The following ZC3H15 variants were observed in gnomAD, a reference collection of about 807,000 sequenced individuals.
ZC3H15 encodes zinc finger CCCH domain-containing protein 15.
Under a neutral mutation model 51.2 loss-of-function variants are expected in ZC3H15, and 15 were observed. The observed-to-expected ratio is 0.29, with a 90% CI of 0.20 to 0.45. The LOEUF is 0.45. ZC3H15 is among the 20% of genes least tolerant of loss of function. The probability of loss-of-function intolerance (pLI) is 1.00; values close to 1 mark genes in which losing one functional copy is unlikely to be tolerated. For synonymous variants in ZC3H15, 144 were observed against 162.8 expected, an observed-to-expected ratio of 0.88 and a Z score of 0.88; for missense variants, 381 against 494.7, an observed-to-expected ratio of 0.77 and a Z score of 2.18.
At chr2:186,499,678 GCC>G in intron 2 of ZC3H15, 2 of 432,684 alleles carry the variant, frequency 4.6e-6, no homozygotes, top group Non-Finnish European at 9.2e-6. Flanking sequence ...TAAATCGTGT[GCC>G]TGGAACTATG....
In ZC3H15 at chr2:186,508,799, C is replaced by T; in HGVS notation, c.*66C>T. Reference sequence around the variant, plus strand: ...GAGTTGAAATTGACTACATTAATTTCTTTCCACCTAGAATCAACAGGATGT... The same window carrying T: ...GAGTTGAAATTGACTACATTAATTTTTTTCCACCTAGAATCAACAGGATGT... On this transcript the variant is annotated 3_prime_UTR_variant, in exon 10 of 10. Transcript: ENST00000337859. 6.6e-7 allele frequency: 1 copy of T among 1,521,562 alleles called. No individual in the cohort carries two copies. The highest frequency in any genetic ancestry group is 1.2e-5 in the South Asian group (1 of 85,006). 94.3% of individuals were successfully genotyped at this position (1,521,562 alleles called of 1,614,324 possible).
intron 1 of ZC3H15, among the ~76,000 whole-genome samples, chr2:186,490,406 A>G (rs946381441): frequency 1.3e-5 from 2 of 152,218 alleles, no homozygotes; most frequent in East Asian, 3.8e-4. Context: ...GGACCTATAG[A>G]GACAGGATCC....
intron 1 of ZC3H15, among the ~76,000 whole-genome samples, chr2:186,491,824 A>G (rs755008145): frequency 1.3e-5 from 2 of 152,156 alleles, no homozygotes; most frequent in South Asian, 4.1e-4. Context: ...TACTAGATAA[A>G]TAAGTGTCCC....
intron 4 of ZC3H15, 108 bp downstream of exon 4, chr2:186,501,533 TA>T: frequency 1.1e-6 from 1 of 886,170 alleles, no homozygotes; most frequent in Non-Finnish European, 1.6e-6. Context: ...AGACTGTTTA[TA>T]AAAAATAATT....
At chr2:186,494,171 C>A (rs1197532009) in intron 1 of ZC3H15, among the ~76,000 whole-genome samples, 1 of 151,876 alleles carries the variant, frequency 6.6e-6, no homozygotes, top group African/African-American at 2.4e-5. Flanking sequence ...AATGAGCATT[C>A]CATAAGTGAT....
intron 9 of ZC3H15, among the ~76,000 whole-genome samples, chr2:186,508,178 A>AT (rs1244088371): frequency 5.3e-5 from 8 of 152,216 alleles, no homozygotes; most frequent in Non-Finnish European, 1.2e-4. Context: ...TATTACAAAC[A>AT]TTTTTTTGGT....
intron 8 of ZC3H15, 80 bp downstream of exon 8, chr2:186,505,921 A>G (rs1685459909): frequency 1.4e-6 from 2 of 1,445,550 alleles, no homozygotes; most frequent in Non-Finnish European, 1.9e-6. Context: ...GTTAAGAGCC[A>G]CCAACATCAG....
intron 2 of ZC3H15, among the ~76,000 whole-genome samples, chr2:186,495,640 G>A (rs554825775): frequency 4.4e-4 from 67 of 152,288 alleles, no homozygotes; most frequent in Non-Finnish European, 7.8e-4. Flanking sequence ...AAGACCACCT[G>A]TAGAAATACA....
intron 1 of ZC3H15, among the ~76,000 whole-genome samples, chr2:186,487,811 GTAA>G (rs1487955759): frequency 6.6e-6 from 1 of 152,102 alleles, no homozygotes; most frequent in Non-Finnish European, 1.5e-5. Context: ...TAAATGTTAT[GTAA>G]TAATTTAGAC....
Position 186,505,483 on chromosome 2 carries a change from C to A in ZC3H15, c.750C>A (p.Ile250=), listed in dbSNP as rs745335198. The change falls in exon 7 of 10, where the codon ATC becomes ATA. Residue 250 remains isoleucine (I), a synonymous_variant. Coordinates refer to ENST00000337859, the MANE Select transcript of ZC3H15 (RefSeq NM_018471.3). The part of the protein sequence containing the change: ...RSALGPNVTK[I]TLESFLAWKK... ...CCCTAGGTCCAAATGTTACCAAAAT[C>A]ACTCTAGAATCTTTTCTTGCCTGGA... The A allele has an allele frequency of 1.8e-5, 28 of 1,577,268 alleles. No homozygotes were observed. Among genetic ancestry groups the A allele is most frequent in the Non-Finnish European group, 2.4e-5 (28 of 1,167,538 alleles).
At chr2:186,486,538 G>A (rs917208300) in intron 1 of ZC3H15, 81 bp downstream of exon 1, 3 of 1,448,500 alleles carry the variant, frequency 2.1e-6, no homozygotes, top group Non-Finnish European at 2.8e-6. Flanking sequence ...CTGGGAGCCG[G>A]CTCGCTTCCT....
At chr2:186,486,580 G>T (rs1333023818) in intron 1 of ZC3H15, 123 bp downstream of exon 1, 5 of 1,013,380 alleles carry the variant, frequency 4.9e-6, no homozygotes, top group Non-Finnish European at 6.9e-6. Context: ...AGGCCTGTGT[G>T]GCCCACTGCC....
intron 5 of ZC3H15, among the ~76,000 whole-genome samples, chr2:186,503,253 A>G (rs1026234170): frequency 6.6e-6 from 1 of 152,148 alleles, no homozygotes; most frequent in African/African-American, 2.4e-5. Flanking sequence ...CTTAAATACA[A>G]TTGTATCTTC....
At chr2:186,486,760 C>G (rs943492736) in intron 1 of ZC3H15, 9 of 354,372 alleles carry the variant, frequency 2.5e-5, no homozygotes, top group Non-Finnish European at 4.6e-5. Context: ...TTCGCTAGTC[C>G]TCTCAGAATT....
intron 1 of ZC3H15, among the ~76,000 whole-genome samples, chr2:186,490,252 T>TA (rs1290898793): frequency 6.6e-6 from 1 of 152,202 alleles, no homozygotes; most frequent in Non-Finnish European, 1.5e-5. Flanking sequence ...TTTGCTTTCT[T>TA]ACAACTAAAA....
rs751954632 is a variant in ZC3H15, at chr2:186,501,264, T to C, written c.290-9T>C. ...TTATAATACAAATACCATATGCCATTTGACATAGGTGCAGATCCCAAGTCT... is the reference window on the plus strand; with the variant it reads ...TTATAATACAAATACCATATGCCATCTGACATAGGTGCAGATCCCAAGTCT... On this transcript the variant is annotated splice_polypyrimidine_tract_variant and intron_variant, in intron 3 of 9. Coordinates refer to ENST00000337859, the MANE Select transcript of ZC3H15 (RefSeq NM_018471.3). The C allele has an allele frequency of 4.4e-6, 7 of 1,595,462 alleles. No individual in the cohort carries two copies. The African/African-American group carries it at 8.1e-5, about 18-fold the overall frequency.
At chr2:186,500,934 G>A (rs1574425558) in intron 3 of ZC3H15, among the ~76,000 whole-genome samples, 1 of 152,048 alleles carries the variant, frequency 6.6e-6, no homozygotes, top group African/African-American at 2.4e-5. Flanking sequence ...CGGCCTCCCA[G>A]AGTGCTGGAA....
Position 186,505,569 on chromosome 2 carries a change from CT to C in ZC3H15, c.837del (p.Asp280ThrfsTer8), listed in dbSNP as rs1170220860. 1 of 1,607,176 alleles carries C rather than the reference CT, an allele frequency of 6.2e-7. No individual in the cohort carries two copies. Reference sequence around the variant, plus strand: ...GAACAAGATATGGAAAGAAGGAAAGCTGACTTCAAAGCAGGGAAAGCACTAG... The same window carrying C: ...GAACAAGATATGGAAAGAAGGAAAGCGACTTCAAAGCAGGGAAAGCACTAG... Reference protein sequence around the residue: ...KLEQDMERRKADFKAGKALVI... With the variant: ...KLEQDMERRKXDFKAGKALVI... On this transcript the variant is annotated frameshift_variant, in exon 7 of 10. Coordinates refer to ENST00000337859, the MANE Select transcript of ZC3H15 (RefSeq NM_018471.3). LOFTEE classifies it high-confidence loss of function.
chr2:186,508,613 C>G lies in ZC3H15; in HGVS notation c.1161C>G (p.Asn387Lys). Reference sequence around the variant, plus strand: ...AAAGAAGTGACTTGGAAGAGGACAACGAGAGGGAGGGAACGGAAAATGGAG... The same window carrying G: ...AAAGAAGTGACTTGGAAGAGGACAAGGAGAGGGAGGGAACGGAAAATGGAG... ...NGERSDLEED[N>K]EREGTENGAI... Residue 387 changes from asparagine to lysine, a missense_variant, in exon 10 of 10, where the codon AAC (asparagine) becomes AAG (lysine). Coordinates refer to ENST00000337859, the MANE Select transcript of ZC3H15 (RefSeq NM_018471.3). The G allele has an allele frequency of 6.2e-7, 1 of 1,613,874 alleles. No homozygotes were observed. Among genetic ancestry groups the G allele is most frequent in the Non-Finnish European group, 8.5e-7 (1 of 1,179,948 alleles).
Sources: allele counts gnomAD v4.1 joint callset (sites outside exome capture counted in the v4.1 genomes callset), GRCh38; gene constraint gnomAD v4.1.1; transcripts MANE v1.5; gene names NCBI Gene and HGNC (gene_info 2026-07-23, HGNC 2026-07-21).